Variants in TOX4 observed in about 807,000 individuals in gnomAD.
The protein encoded by TOX4 is TOX high mobility group box family member 4.
A neutral mutation model predicts 61.0 loss-of-function variants in TOX4; 12 were observed. The observed-to-expected ratio is 0.20, with a 90% CI of 0.13 to 0.32. The LOEUF (loss-of-function observed/expected upper bound fraction) is 0.32, where lower values mean the gene tolerates loss of function less well. Ranked by LOEUF, TOX4 falls within the 10% of genes least tolerant of loss-of-function variation. The pLI is 1.00. For synonymous variants in TOX4, 268 were observed against 274.8 expected (o/e 0.98, Z 0.24); for missense variants, 499 against 753.3 (o/e 0.66, Z 3.95).
rs886759752 is a variant in TOX4, at chr14:21,498,068, T to G, written c.*1462T>G. ...AATGAGGTAATACTCCCATTTCACA[T>G]ATAATACTGAGAGATGAGTTGCACA... is the stretch of plus-strand genomic sequence containing the variant. On this transcript the variant is annotated 3_prime_UTR_variant, in exon 9 of 9. Coordinates refer to ENST00000448790, the MANE Select transcript of TOX4 (RefSeq NM_014828.4). 1.7e-6 allele frequency: 1 copy of G among 575,640 alleles called. No individual in the cohort carries two copies. Among genetic ancestry groups the G allele is most frequent in the African/African-American group, 1.9e-5 (1 of 53,382 alleles). 35.7% of individuals were successfully genotyped at this position (575,640 alleles called of 1,614,324 possible).
At chr14:21,487,780 G>T in intron 3 of TOX4, 87 bp downstream of exon 3, 3 of 1,417,276 alleles carry the variant, frequency 2.1e-6, no homozygotes, top group Non-Finnish European at 2.8e-6. Context: ...TGCTACACTT[G>T]GGTATTACTT....
At chr14:21,482,586 G>T (rs1029958308) in intron 2 of TOX4, 6 of 469,756 alleles carry the variant, frequency 1.3e-5, no homozygotes, top group African/African-American at 1.0e-4. Context: ...ATTGAACAAA[G>T]GAGGAAAGGA....
rs1272444235 is a variant in TOX4 at position 21,497,618 on chromosome 14, C to T, written c.*1012C>T. On this transcript the variant is annotated 3_prime_UTR_variant, in exon 9 of 9. Coordinates refer to ENST00000448790, the MANE Select transcript of TOX4 (RefSeq NM_014828.4). ...CCTCAGCTCACTGAAACCTCTGCCTCCCGGGTTCAAGCGATTCTCCTGCAT... is the reference window on the plus strand; with the variant it reads ...CCTCAGCTCACTGAAACCTCTGCCTTCCGGGTTCAAGCGATTCTCCTGCAT... The T allele has an allele frequency of 3.4e-5, 5 of 149,066 alleles. No homozygotes were observed. In the Admixed American group the frequency reaches 3.4e-4, roughly 10 times the overall value. The allele number at this position is 149,066 out of a possible 1,614,324, so 9.2% of individuals were successfully genotyped here.
intron 2 of TOX4, among the ~76,000 whole-genome samples, chr14:21,479,930 C>T (rs1891080295): frequency 6.6e-6 from 1 of 152,152 alleles, no homozygotes; most frequent in African/African-American, 2.4e-5. Context: ...GTTCTTAATT[C>T]TCTACCCCAT....
chr14:21,492,430 GTGTT>G (rs1891310728), intron 6 of TOX4, 54 bp downstream of exon 6: 1 of 1,609,546 alleles, frequency 6.2e-7, no homozygotes, highest in Non-Finnish European at 8.5e-7. Context: ...TTTTTTGGAA[GTGTT>G]TGTTAGCAGT....
chr14:21,492,529 T>C lies in TOX4; in HGVS notation c.913T>C (p.Leu305=). Residue 305 remains leucine, a synonymous_variant, in exon 7 of 9, where the codon TTG becomes CTG. Coordinates refer to ENST00000448790, the MANE Select transcript of TOX4 (RefSeq NM_014828.4). ...TTAGGCCACTGTGGAAACAGTGGAATTGGATCCAGCACCACCATCACAAAC... is the reference window on the plus strand; with the variant it reads ...TTAGGCCACTGTGGAAACAGTGGAACTGGATCCAGCACCACCATCACAAAC... ...ECQATVETVE[L]DPAPPSQTPS... 1 of 1,613,950 alleles carries C rather than the reference T, an allele frequency of 6.2e-7. No individual in the cohort carries two copies. Among genetic ancestry groups the C allele is most frequent in the Non-Finnish European group, 8.5e-7 (1 of 1,179,924 alleles).
chr14:21,487,721 C>A, intron 3 of TOX4, 28 bp downstream of exon 3: 1 of 1,591,442 alleles, frequency 6.3e-7, no homozygotes. Context: ...GTCAGGCTTA[C>A]CCCAGCTAAT....
Position 21,495,279 on chromosome 14 carries a change from G to A in TOX4, c.1692G>A (p.Val564=). ...MDVELVSGSP[V]ALSPQPRCVR... is the part of the protein sequence containing the mutation. ...TTGAATTGGTGAGTGGGTCTCCTGT[G>A]GCACTCTCACCCCAGCCTCGATGTG... is the stretch of plus-strand genomic sequence containing the variant. Residue 564 remains valine (V), a synonymous_variant, in exon 8 of 9, where the codon GTG becomes GTA. Transcript: ENST00000448790. 1 of 1,614,112 alleles carries A rather than the reference G, an allele frequency of 6.2e-7. No homozygotes were observed. The highest frequency in any genetic ancestry group is 1.7e-5 in the Admixed American group (1 of 60,010).
In TOX4 at chr14:21,493,680, C is replaced by T. The variant is rs1036771706; in HGVS notation, c.1641+423C>T. The stretch of plus-strand genomic sequence containing the variant: ...TCTCGAACTCCTGATCTCAGGTGAT[C>T]TGCCTGCCTCGGCCTCCCAAAGTGC... On this transcript the variant is annotated intron_variant, in intron 7 of 8. Transcript: ENST00000448790. 1.8e-4 allele frequency among the ~76,000 whole-genome samples: 28 copies of T among 152,152 alleles called. 1 individual carries two copies. The highest frequency in any genetic ancestry group is 1.6e-3 in the Admixed American group (24 of 15,278).
chr14:21,495,514 G>A (rs986050347), intron 8 of TOX4, 122 bp downstream of exon 8: 20 of 1,201,320 alleles, frequency 1.7e-5, no homozygotes, highest in Middle Eastern at 4.2e-4. Context: ...GTAGGTTGCT[G>A]TATCTGGTCT....
intron 3 of TOX4, 32 bp downstream of exon 3, chr14:21,487,725 AG>A: frequency 6.3e-7 from 1 of 1,587,600 alleles, no homozygotes; most frequent in East Asian, 2.3e-5. Flanking sequence ...GGCTTACCCC[AG>A]CTAATGGGCA....
In TOX4 at chr14:21,488,652, A is replaced by C. The variant is rs1891232299; in HGVS notation, c.381A>C (p.Pro127=). The C allele has an allele frequency of 6.2e-7, 1 of 1,614,182 alleles. No homozygotes were observed. The highest frequency in any genetic ancestry group is 1.7e-5 in the Admixed American group (1 of 60,008). ...SANPPVTIDV[P]MTDMTSGLMG... The stretch of plus-strand genomic sequence containing the variant: ...ACCCACCTGTTACAATTGATGTACC[A>C]ATGACAGACATGACATCTGGCTTGA... Residue 127 remains proline (P), a synonymous_variant, in exon 4 of 9, where the codon CCA becomes CCC. Transcript: ENST00000448790.
chr14:21,496,245 C>T (rs58901398), intron 8 of TOX4: 35,589 of 183,184 alleles, frequency 0.19, 4,283 homozygotes, highest in Middle Eastern at 0.27. Context: ...AAGAATGTAG[C>T]GGCCGGGCGC....
In TOX4 at chr14:21,497,514, G is replaced by GTTTTTT. The variant is rs796419920; in HGVS notation, c.*909_*914dup. ...TCCTATGCATTCCTGTTTTCTGTGT[G>GTTTTTT]TTTTTTGTTTTTTTTTTTTTTTTTT... On this transcript the variant is annotated 3_prime_UTR_variant, in exon 9 of 9. Transcript: ENST00000448790. 1.9e-4 allele frequency: 10 copies of GTTTTTT among 51,606 alleles called. No homozygotes were observed. The highest frequency in any genetic ancestry group is 2.9e-4 in the African/African-American group (4 of 13,576). 3.2% of individuals were successfully genotyped at this position (51,606 alleles called of 1,614,324 possible).
At chr14:21,489,680 GC>G (rs1891251883) in intron 5 of TOX4, among the ~76,000 whole-genome samples, 2 of 151,856 alleles carry the variant, frequency 1.3e-5, no homozygotes, top group South Asian at 4.2e-4. Flanking sequence ...CTGGGTTCAC[GC>G]CATTCTCCTG....
At chr14:21,490,728 C>G (rs1188916500) in intron 5 of TOX4, among the ~76,000 whole-genome samples, 1 of 152,142 alleles carries the variant, frequency 6.6e-6, no homozygotes, top group African/African-American at 2.4e-5. Context: ...TTTTCTAAGT[C>G]TCATTTTTTC....
chr14:21,478,895 C>T (rs1403573231), intron 2 of TOX4, among the ~76,000 whole-genome samples: 2 of 151,850 alleles, frequency 1.3e-5, no homozygotes, highest in Admixed American at 1.3e-4. Context: ...CCTCCACCTC[C>T]TGGGCTCAAG....
Position 21,493,253 on chromosome 14 carries a change from C to A in TOX4, c.1637C>A (p.Pro546His), listed in dbSNP as rs902532811. ...TICEMITDVV[P>H]EVESPSQMDV... ...TGTGAGATGATCACAGATGTAGTTC[C>A]TGAGGTGAGCCTTTGTTTTTAAGTC... The change falls in exon 7 of 9, where the codon CCT becomes CAT. Residue 546 changes from proline (P) to histidine (H), a missense_variant. Coordinates refer to ENST00000448790, the MANE Select transcript of TOX4 (RefSeq NM_014828.4). 5.6e-6 allele frequency: 9 copies of A among 1,601,586 alleles called. No homozygotes were observed. The highest frequency in any genetic ancestry group is 1.1e-5 in the South Asian group (1 of 89,276).
chr14:21,478,976 T>C (rs1891061915), intron 2 of TOX4, among the ~76,000 whole-genome samples: 3 of 145,016 alleles, frequency 2.1e-5, no homozygotes, highest in African/African-American at 7.8e-5. Flanking sequence ...GCTAATTTTT[T>C]TTTTTTTTTT....
Sources: gnomAD v4.1 joint callset for allele counts (sites outside exome capture counted in the v4.1 genomes callset) on GRCh38, gnomAD v4.1.1 for gene constraint, MANE v1.5 for transcripts, NCBI Gene and HGNC (gene_info 2026-07-23, HGNC 2026-07-21) for gene names.